The following IGF2R variants were observed in gnomAD, a reference collection of about 807,000 sequenced individuals.
IGF2R encodes the protein insulin like growth factor 2 receptor.
In IGF2R, 91 loss-of-function variants were observed where a neutral mutation model predicts 270.6. That is an observed-to-expected ratio of 0.34 (90% CI 0.28 to 0.40). The LOEUF (loss-of-function observed/expected upper bound fraction) is 0.40. Ranked by LOEUF, IGF2R falls within the 10% of genes least tolerant of loss-of-function variation. IGF2R has a pLI of 1.00. For synonymous variants in IGF2R, 1,316 were observed against 1,258.9 expected (o/e 1.05, Z -0.96); for missense variants, 2,805 against 3,188.3 (o/e 0.88, Z 2.90).
rs573139423 is a variant in IGF2R, at chr6:160,102,509, G to A, written c.6843-10G>A. On this transcript the variant is annotated splice_polypyrimidine_tract_variant and intron_variant, in intron 45 of 47. Coordinates refer to ENST00000356956, the MANE Select transcript of IGF2R (RefSeq NM_000876.4). The surrounding 1 kb of genome is among the most constrained non-coding windows in gnomAD (Gnocchi z 4.5). ...TGTGACACGGCTCCTTTTCTGTGACGTCCTTGCAGGGTGGGCTTTGACAGC... is the reference window on the plus strand; with the variant it reads ...TGTGACACGGCTCCTTTTCTGTGACATCCTTGCAGGGTGGGCTTTGACAGC... 5.5e-5 allele frequency: 89 copies of A among 1,609,702 alleles called. No homozygotes were observed. The Middle Eastern group carries it at 8.6e-4, about 16-fold the overall frequency.
At chr6:160,093,712 G>T in intron 44 of IGF2R, 1 of 757,738 alleles carries the variant, frequency 1.3e-6, no homozygotes, top group Non-Finnish European at 2.5e-6. Context: ...GCAAAGTTGT[G>T]AATGGACCTG....
chr6:160,000,728 G>GTTTTTTTTTTT (rs59215791), intron 2 of IGF2R, among the ~76,000 whole-genome samples: 27 of 69,960 alleles, frequency 3.9e-4, no homozygotes, highest in African/African-American at 1.6e-3. Flanking sequence ...GTGTGAGGTT[G>GTTTTTTTTTTT]TTTTTTTTTT....
At chr6:159,984,590 G>A (rs73594478) in intron 1 of IGF2R, among the ~76,000 whole-genome samples, 1,686 of 152,256 alleles carry the variant, frequency 0.011, 29 homozygotes, top group African/African-American at 0.038. Context: ...TCAGTGCAGC[G>A]TCATGCTGTG....
chr6:160,086,435 T>G (rs1352629817), intron 41 of IGF2R, among the ~76,000 whole-genome samples: 1 of 152,182 alleles, frequency 6.6e-6, no homozygotes, highest in African/African-American at 2.4e-5. Flanking sequence ...GGAGGTAGAC[T>G]TTTTGTTTTC....
In IGF2R at chr6:160,061,552, A is replaced by G. The variant is rs760394602; in HGVS notation, c.3312A>G (p.Lys1104=). The change falls in exon 24 of 48, where the codon AAA becomes AAG. Residue 1104 remains lysine (K), a synonymous_variant. Coordinates refer to ENST00000356956, the MANE Select transcript of IGF2R (RefSeq NM_000876.4). ...YDLTGLSTVR[K]PWTAVDTSVD... Reference sequence around the variant, plus strand: ...TGACTGGCCTAAGCACAGTCAGGAAACCTTGGACGGCTGTTGACACCTCTG... The same window carrying G: ...TGACTGGCCTAAGCACAGTCAGGAAGCCTTGGACGGCTGTTGACACCTCTG... 3.7e-6 allele frequency: 6 copies of G among 1,614,008 alleles called. No homozygotes were observed. The East Asian group carries it at 6.7e-5, about 18-fold the overall frequency.
chr6:160,081,823 C>G (rs1290288182), intron 39 of IGF2R, among the ~76,000 whole-genome samples: 1 of 152,244 alleles, frequency 6.6e-6, no homozygotes, highest in African/African-American at 2.4e-5. Context: ...CACCGGCCCA[C>G]AGTCAGCCAG....
intron 13 of IGF2R, among the ~76,000 whole-genome samples, chr6:160,045,458 A>G (rs1292827342): frequency 6.6e-6 from 1 of 152,190 alleles, no homozygotes; most frequent in Non-Finnish European, 1.5e-5. Flanking sequence ...TACCACCACC[A>G]TCCATCTCCA....
chr6:160,048,355 A>G lies in IGF2R; in HGVS notation c.2346-20A>G, dbSNP rs772217113. ...GTGTAAGCTCTTTAAAAGCATATACATTTTGCTTTGAAATTTTAGTCTGGC... is the reference window on the plus strand; with the variant it reads ...GTGTAAGCTCTTTAAAAGCATATACGTTTTGCTTTGAAATTTTAGTCTGGC... On this transcript the variant is annotated intron_variant, in intron 17 of 47. Coordinates refer to ENST00000356956, the MANE Select transcript of IGF2R (RefSeq NM_000876.4). The G allele has an allele frequency of 3.0e-5, 48 of 1,611,230 alleles. No individual in the cohort carries two copies. The East Asian group carries it at 9.8e-4, about 33-fold the overall frequency.
Position 160,063,650 on chromosome 6 carries a change from T to A in IGF2R, c.3886+20T>A, listed in dbSNP as rs1325970957. The A allele has an allele frequency of 6.3e-6, 10 of 1,581,274 alleles. No individual in the cohort carries two copies. The highest frequency in any genetic ancestry group is 1.3e-5 in the African/African-American group (1 of 74,112). On this transcript the variant is annotated intron_variant, in intron 27 of 47. Coordinates refer to ENST00000356956, the MANE Select transcript of IGF2R (RefSeq NM_000876.4). ...TGGCAGGTACCATTGTTTGTCGTTTTCCTTTTGTTGCAAAGGAATGGAATT... is the reference window on the plus strand; with the variant it reads ...TGGCAGGTACCATTGTTTGTCGTTTACCTTTTGTTGCAAAGGAATGGAATT...
chr6:160,071,977 C>T lies in IGF2R; in HGVS notation c.4511C>T (p.Thr1504Ile), dbSNP rs77999960. The T allele has an allele frequency of 1.9e-3, 3,124 of 1,614,200 alleles. 4 individuals are homozygous for T. The highest frequency in any genetic ancestry group is 2.8e-3 in the Admixed American group (170 of 60,028). ...CEYTFAWPTA[T>I]ACPMKSNEHD... ...TACACCTTTGCCTGGCCCACAGCCA[C>T]AGCCTGTCCCATGAAGAGCAACGAG... is the stretch of plus-strand genomic sequence containing the variant. Residue 1504 changes from threonine to isoleucine, a missense_variant, in exon 32 of 48, where the codon ACA (threonine) becomes ATA (isoleucine). Transcript: ENST00000356956.
At chr6:160,011,583 A>G (rs544277236) in intron 4 of IGF2R, among the ~76,000 whole-genome samples, 246 of 149,730 alleles carry the variant, frequency 1.6e-3, no homozygotes, top group Non-Finnish European at 3.0e-3. Flanking sequence ...GGACTCTTAA[A>G]ATCTACTCTC....
intron 4 of IGF2R, among the ~76,000 whole-genome samples, chr6:160,012,761 A>ATG (rs1784355433): frequency 1.4e-5 from 1 of 72,598 alleles, no homozygotes; most frequent in Non-Finnish European, 3.1e-5. Context: ...ATATATATAT[A>ATG]TATTTTTTTT....
At position 160,030,871 on chromosome 6, in the gene IGF2R, C is replaced by T. The variant is rs373601655; in HGVS notation, c.882+1216C>T. Among the ~76,000 whole-genome samples the T allele has an allele frequency of 2.6e-4, 39 of 151,164 alleles. 2 individuals carry two copies. The highest frequency in any genetic ancestry group is 7.3e-4 in the African/African-American group (30 of 41,140). Reference sequence around the variant, plus strand: ...CAGTGTCTTGCTCTGTCGCCCCGGCCGGAGTGCAGTGCCACGATCTCACTT... The same window carrying T: ...CAGTGTCTTGCTCTGTCGCCCCGGCTGGAGTGCAGTGCCACGATCTCACTT... On this transcript the variant is annotated intron_variant, in intron 7 of 47. Coordinates refer to ENST00000356956, the MANE Select transcript of IGF2R (RefSeq NM_000876.4).
At chr6:160,065,814 G>GTGTATATAGA in intron 29 of IGF2R, among the ~76,000 whole-genome samples, 1 of 78,392 alleles carries the variant, frequency 1.3e-5, no homozygotes, top group Non-Finnish European at 2.3e-5. Flanking sequence ...GTGTGTGTGT[G>GTGTATATAGA]TATATATATA....
intron 4 of IGF2R, among the ~76,000 whole-genome samples, chr6:160,014,993 C>A (rs771975537): frequency 3.9e-5 from 6 of 152,144 alleles, no homozygotes; most frequent in African/African-American, 7.2e-5. Flanking sequence ...AGGATATGGT[C>A]AAAATGAGTT....
chr6:160,064,767 T>G, intron 28 of IGF2R, 37 bp from the exon 29 acceptor site: 1 of 1,414,240 alleles, frequency 7.1e-7, no homozygotes, highest in Non-Finnish European at 1.0e-6. Context: ...AAGTTTTGCA[T>G]TCTCACTTTT....
chr6:160,103,856 G>A (rs569427818), intron 47 of IGF2R, 41 bp downstream of exon 47: 2 of 1,353,034 alleles, frequency 1.5e-6, no homozygotes, highest in Admixed American at 1.7e-5. Flanking sequence ...CTGCCTCCCC[G>A]GCCCCCTGTG....
intron 19 of IGF2R, among the ~76,000 whole-genome samples, chr6:160,054,985 T>C (rs557100888): frequency 6.6e-6 from 1 of 152,220 alleles, no homozygotes; most frequent in South Asian, 2.1e-4. Flanking sequence ...TGGCTAACAC[T>C]CTTTTTCCTG....
At position 160,075,839 on chromosome 6, in the gene IGF2R, T is replaced by C. The variant is rs1293531448; in HGVS notation, c.5167-8T>C. The C allele has an allele frequency of 1.2e-6, 2 of 1,612,374 alleles. No individual in the cohort carries two copies. Among genetic ancestry groups the C allele is most frequent in the Non-Finnish European group, 1.7e-6 (2 of 1,178,626 alleles). ...CTGAAATACTGTTTGCCCTCGCTCTTTGTTTAGGATATCGGCCGGGTAGCA... is the reference window on the plus strand; with the variant it reads ...CTGAAATACTGTTTGCCCTCGCTCTCTGTTTAGGATATCGGCCGGGTAGCA... On this transcript the variant is annotated splice_polypyrimidine_tract_variant and splice_region_variant and intron_variant, in intron 35 of 47. Transcript: ENST00000356956.
Sources: allele counts gnomAD v4.1 joint callset (sites outside exome capture counted in the v4.1 genomes callset), GRCh38; gene constraint gnomAD v4.1.1; non-coding constraint Gnocchi (gnomAD v3.1); transcripts MANE v1.5; gene names NCBI Gene and HGNC (gene_info 2026-07-23, HGNC 2026-07-21).